PTK2: variants seen among roughly 807,000 people sequenced by gnomAD.
The protein encoded by PTK2 is protein tyrosine kinase 2, also known as focal adhesion kinase 1.
Under a neutral mutation model 150.1 loss-of-function variants are expected in PTK2, and 45 were observed. That is an observed-to-expected ratio of 0.30 (90% CI 0.24 to 0.38). PTK2 has a LOEUF of 0.38. PTK2 is among the 10% of genes least tolerant of loss of function. PTK2 has a pLI of 1.00. For synonymous variants in PTK2, 432 were observed against 449.2 expected (o/e 0.96, Z 0.48); for missense variants, 919 against 1,307.3 (o/e 0.70, Z 4.58).
At chr8:140,674,804 T>C (rs1226997119) in intron 28 of PTK2, among the ~76,000 whole-genome samples, 1 of 151,320 alleles carries the variant, frequency 6.6e-6, no homozygotes. Context: ...CCCTAGCACT[T>C]TGGGAGGCTG....
rs1425222348 is a variant in PTK2, at chr8:140,939,843, TAAGA to T, written c.-121-14098_-121-14095del. 2.0e-5 allele frequency among the ~76,000 whole-genome samples: 3 copies of T among 152,296 alleles called. No homozygotes were observed. The South Asian group carries it at 6.2e-4, about 32-fold the overall frequency. On this transcript the variant is annotated intron_variant, in intron 1 of 31. Coordinates refer to ENST00000522684, the Ensembl canonical transcript of PTK2. ...TAGTGATAATCTCGATGTCACAAAT[TAAGA>T]AAGAAAGATACCTTTTAAAAGGGAG...
chr8:140,700,363 G>A (rs570489649), intron 26 of PTK2, among the ~76,000 whole-genome samples: 3 of 151,908 alleles, frequency 2.0e-5, no homozygotes, highest in African/African-American at 7.3e-5. Flanking sequence ...GTAGAGACAG[G>A]GTCTTGCTGT....
At chr8:140,871,438 T>C (rs1359214170) in intron 4 of PTK2, among the ~76,000 whole-genome samples, 4 of 152,216 alleles carry the variant, frequency 2.6e-5, no homozygotes, top group Non-Finnish European at 4.4e-5. Context: ...ATGCATATCT[T>C]TGTCAAGAAT....
chr8:140,756,691 C>CA (rs544200204), intron 16 of PTK2, among the ~76,000 whole-genome samples: 22,471 of 99,308 alleles, frequency 0.23, 2,289 homozygotes, highest in East Asian at 0.57. Context: ...AACTCTGTCT[C>CA]AAAAAAAAAA....
At chr8:140,777,482 C>T (rs1366616974) in intron 14 of PTK2, among the ~76,000 whole-genome samples, 1 of 152,240 alleles carries the variant, frequency 6.6e-6, no homozygotes, top group Admixed American at 6.5e-5. Context: ...AAGCACCATC[C>T]ACCAGGCCCC....
At chr8:140,684,925 T>C (rs202194157) in intron 27 of PTK2, among the ~76,000 whole-genome samples, 1 of 152,162 alleles carries the variant, frequency 6.6e-6, no homozygotes, top group African/African-American at 2.4e-5. Context: ...AAAAAGAGCC[T>C]GAATAGTCAA....
At chr8:140,751,458 C>A (rs1368401616) in intron 17 of PTK2, among the ~76,000 whole-genome samples, 2 of 152,098 alleles carry the variant, frequency 1.3e-5, no homozygotes, top group South Asian at 2.1e-4. Context: ...AGCCACCACA[C>A]CTGGCCTCCT....
chr8:140,930,593 A>C (rs1159587700), intron 1 of PTK2, among the ~76,000 whole-genome samples: 2 of 152,144 alleles, frequency 1.3e-5, no homozygotes, highest in Admixed American at 6.5e-5. Context: ...ATAACTTTCT[A>C]ATTTTGAAAC....
intron 1 of PTK2, among the ~76,000 whole-genome samples, chr8:140,970,375 CAA>C (rs2100186806): frequency 6.6e-6 from 1 of 152,212 alleles, no homozygotes; most frequent in Non-Finnish European, 1.5e-5. Flanking sequence ...TAAAAATGTC[CAA>C]GAGACATTTC....
At chr8:140,858,351 G>A (rs143473774) in intron 5 of PTK2, among the ~76,000 whole-genome samples, 1 of 150,132 alleles carries the variant, frequency 6.7e-6, no homozygotes, top group Admixed American at 6.7e-5. Flanking sequence ...CAACAACTAA[G>A]AGATTTCCAG....
rs544389858 is a variant in PTK2 at position 140,681,956 on chromosome 8, C to T, written c.2562+4676G>A. Among the ~76,000 whole-genome samples, 15 of 152,228 alleles carry T rather than the reference C, an allele frequency of 9.9e-5. No homozygotes were observed. In the East Asian group the frequency reaches 1.3e-3, roughly 14 times the overall value. On this transcript the variant is annotated intron_variant, in intron 27 of 31. Coordinates refer to ENST00000522684, the Ensembl canonical transcript of PTK2. ...ATATAAATAACTCTCACAAGCTTAGCGTTCCAATAATGGAACACTAGGCAT... is the reference window on the plus strand; with the variant it reads ...ATATAAATAACTCTCACAAGCTTAGTGTTCCAATAATGGAACACTAGGCAT...
At chr8:140,859,700 G>A (rs990604313) in intron 5 of PTK2, among the ~76,000 whole-genome samples, 2 of 152,104 alleles carry the variant, frequency 1.3e-5, no homozygotes, top group Admixed American at 6.5e-5. Flanking sequence ...ATAAATATAC[G>A]CTGGCTATAG....
intron 1 of PTK2, 67 bp downstream of exon 1, chr8:141,001,058 G>T: frequency 6.6e-6 from 1 of 151,468 alleles, no homozygotes; most frequent in South Asian, 2.0e-4. Flanking sequence ...CCCAGCCCAC[G>T]ACCGCTGCAC....
At chr8:140,927,975 A>AAAATATATATATATATATAT in intron 1 of PTK2, among the ~76,000 whole-genome samples, 1 of 48,194 alleles carries the variant, frequency 2.1e-5, no homozygotes, top group African/African-American at 9.8e-5. Context: ...AAAAAAAAAA[A>AAAATATATATATATATATAT]ATATATATAT....
intron 8 of PTK2, among the ~76,000 whole-genome samples, chr8:140,820,083 T>TG (rs2100107355): frequency 2.3e-5 from 1 of 42,730 alleles, no homozygotes. Flanking sequence ...TTGGTTTTTT[T>TG]TTTTTTTTTT....
At position 140,674,477 on chromosome 8, in the gene PTK2, T is replaced by C. The variant is rs911338126; in HGVS notation, c.2603-73A>G. Reference sequence around the variant, plus strand: ...TTAAGAGGCTGGGGGCAGTGGCTCATGCCTATAATCTCAGCACTTTGGGAG... The same window carrying C: ...TTAAGAGGCTGGGGGCAGTGGCTCACGCCTATAATCTCAGCACTTTGGGAG... On this transcript the variant is annotated intron_variant, in intron 28 of 31. Transcript: ENST00000522684. The C allele has an allele frequency of 1.1e-5, 15 of 1,352,752 alleles. No individual in the cohort carries two copies. The African/African-American group carries it at 1.7e-4, about 16-fold the overall frequency. 83.8% of individuals were successfully genotyped at this position (1,352,752 alleles called of 1,614,324 possible).
chr8:140,800,481 T>G, exon 12 of PTK2: 1 of 1,613,406 alleles, frequency 6.2e-7, no homozygotes, highest in Non-Finnish European at 8.5e-7. Context: ...TGATGATAAA[T>G]GACTGCGAGG....
In PTK2 at chr8:140,999,929, A is replaced by G. The variant is rs867517213; in HGVS notation, c.-122+1196T>C. 4.6e-5 allele frequency among the ~76,000 whole-genome samples: 7 copies of G among 152,036 alleles called. No homozygotes were observed. In the South Asian group the frequency reaches 8.3e-4, roughly 18 times the overall value. ...TGTATAACCAGTTCCCATAATTACT[A>G]CAATATTACTATTATCTTAGTCTCA... On this transcript the variant is annotated intron_variant, in intron 1 of 31. Coordinates refer to ENST00000522684, the Ensembl canonical transcript of PTK2.
chr8:140,952,533 C>G (rs560248740), intron 1 of PTK2, among the ~76,000 whole-genome samples: 2 of 152,136 alleles, frequency 1.3e-5, no homozygotes, highest in African/African-American at 4.8e-5. Context: ...GAAAAGAGAA[C>G]AAAGAAAGAT....
Sources: allele counts gnomAD v4.1 joint callset (sites outside exome capture counted in the v4.1 genomes callset), GRCh38; gene constraint gnomAD v4.1.1; transcripts MANE v1.5; gene names NCBI Gene and HGNC (gene_info 2026-07-23, HGNC 2026-07-21).